Variants in PKHD1L1 observed in about 807,000 individuals in gnomAD.
The protein encoded by PKHD1L1 is PKHD1 like 1.
Under a neutral mutation model 462.9 loss-of-function variants are expected in PKHD1L1, and 434 were observed. That is an observed-to-expected ratio of 0.94 (90% CI 0.87 to 1.02). PKHD1L1 has a LOEUF of 1.02. Among genes scored for constraint, PKHD1L1 ranks in the 50% least tolerant of loss-of-function variants. PKHD1L1 has a pLI of 0.00. For missense variants in PKHD1L1, 5,202 were observed against 5,096.1 expected, an observed-to-expected ratio of 1.02 and a Z score of -0.63; for synonymous variants, 1,781 against 1,750.0, an observed-to-expected ratio of 1.02 and a Z score of -0.44.
intron 21 of PKHD1L1, among the ~76,000 whole-genome samples, chr8:109,418,640 A>G (rs558694002): frequency 6.6e-6 from 1 of 152,278 alleles, no homozygotes; most frequent in African/African-American, 2.4e-5. Context: ...AACAATGGAC[A>G]ATGCTGCTCC....
At position 109,479,974 on chromosome 8, in the gene PKHD1L1, A is replaced by G. The variant is rs1339246815; in HGVS notation, c.9179-17A>G. On this transcript the variant is annotated splice_polypyrimidine_tract_variant and intron_variant, in intron 54 of 77. Coordinates refer to ENST00000378402, the MANE Select transcript of PKHD1L1 (RefSeq NM_177531.6). ...GTTTATGGATTATGTTATATTTCTT[A>G]AAGTATTGTTTTATAGGAACATGGA... The G allele has an allele frequency of 1.3e-6, 2 of 1,540,028 alleles. No individual in the cohort carries two copies. Among genetic ancestry groups the G allele is most frequent in the Admixed American group, 2.4e-5 (1 of 41,606 alleles).
At position 109,530,924 on chromosome 8, in the gene PKHD1L1, A is replaced by T. The variant is rs1295058976; in HGVS notation, c.*834A>T. Among the ~76,000 whole-genome samples, 1 of 152,214 alleles carries T rather than the reference A, an allele frequency of 6.6e-6. No homozygotes were observed. The highest frequency in any genetic ancestry group is 1.9e-4 in the East Asian group (1 of 5,198). On this transcript the variant is annotated 3_prime_UTR_variant, in exon 78 of 78. Coordinates refer to ENST00000378402, the MANE Select transcript of PKHD1L1 (RefSeq NM_177531.6). ...TGTGGGAAGTCAACAACAGAACAGA[A>T]CTTATTTTCAAGAAGATAAATTAGA...
chr8:109,444,632 G>A (rs762117731), intron 37 of PKHD1L1, 29 bp from the exon 38 acceptor site: 26 of 1,583,286 alleles, frequency 1.6e-5, no homozygotes, highest in Non-Finnish European at 2.2e-5. Context: ...GTATTGACTT[G>A]TTTTATTTTG....
At chr8:109,389,767 A>T (rs1033451029) in intron 8 of PKHD1L1, among the ~76,000 whole-genome samples, 3 of 151,998 alleles carry the variant, frequency 2.0e-5, no homozygotes, top group African/African-American at 7.2e-5. Context: ...ACTTCGGGTG[A>T]TCCGCCCGCC....
chr8:109,493,629 T>A (rs544598632), intron 62 of PKHD1L1, 32 bp from the exon 63 acceptor site: 3 of 1,395,676 alleles, frequency 2.1e-6, no homozygotes, highest in Non-Finnish European at 3.0e-6. Context: ...ACTAGCCTGA[T>A]GCACAGTATT....
chr8:109,448,753 T>C (rs981465937), intron 39 of PKHD1L1, among the ~76,000 whole-genome samples: 13 of 152,158 alleles, frequency 8.5e-5, no homozygotes, highest in African/African-American at 3.1e-4. Flanking sequence ...CTTTGCTTTA[T>C]GTAGCAAATA....
Position 109,522,852 on chromosome 8 carries a change from T to A in PKHD1L1, c.12292T>A (p.Phe4098Ile), listed in dbSNP as rs749753530. 6.2e-7 allele frequency: 1 copy of A among 1,611,544 alleles called. No individual in the cohort carries two copies. The highest frequency in any genetic ancestry group is 8.5e-7 in the Non-Finnish European group (1 of 1,179,038). ...QPVAAQPGQP[F>I]PQQPSVKATD... The stretch of plus-strand genomic sequence containing the variant: ...GGTGGCAGCACAGCCAGGACAGCCA[T>A]TTCCTCAGCAGCCTTCGGTAAAGGC... The change falls in exon 75 of 78, where the codon TTT becomes ATT. Residue 4098 changes from phenylalanine (F) to isoleucine (I), a missense_variant. Around this residue, in one of 3 missense-constraint regions of PKHD1L1, gnomAD observed 698 missense variants for 736.3 expected, o/e 0.95. Transcript: ENST00000378402.
chr8:109,470,334 G>A, intron 50 of PKHD1L1: 2 of 1,517,572 alleles, frequency 1.3e-6, no homozygotes, highest in East Asian at 2.3e-5. Context: ...ACTTAGTTTG[G>A]AGAGAGAGTG....
At chr8:109,450,795 AC>A (rs757751517) in intron 40 of PKHD1L1, among the ~76,000 whole-genome samples, 179 bp from the exon 41 acceptor site, 59 of 152,290 alleles carry the variant, frequency 3.9e-4, no homozygotes, top group Non-Finnish European at 7.2e-4. Context: ...ATGGGCATGA[AC>A]TTTTGTAATG....
At chr8:109,520,741 A>G (rs1286040415) in intron 73 of PKHD1L1, among the ~76,000 whole-genome samples, 1 of 150,748 alleles carries the variant, frequency 6.6e-6, no homozygotes, top group African/African-American at 2.5e-5. Flanking sequence ...ATGTCCTAGA[A>G]AGGGGTTACC....
Position 109,445,506 on chromosome 8 carries a change from A to C in PKHD1L1, c.5637A>C (p.Glu1879Asp), listed in dbSNP as rs956538033. 4 of 1,613,762 alleles carry C rather than the reference A, an allele frequency of 2.5e-6. No individual in the cohort carries two copies. The highest frequency in any genetic ancestry group is 1.3e-5 in the African/African-American group (1 of 75,036). Residue 1879 changes from glutamate (E) to aspartate (D), a missense_variant, in exon 38 of 78, where the codon GAA becomes GAC. Physicochemically the swap from Glu to Asp is conservative, Grantham distance 45. Transcript: ENST00000378402. ...PCQIISINPNEVYCRTPAGTT... is the reference protein window; with the variant it reads ...PCQIISINPNDVYCRTPAGTT... ...AAATTATTTCCATCAACCCCAATGA[A>C]GTCTACTGCCGCACTCCCGCTGGGA...
intron 72 of PKHD1L1, among the ~76,000 whole-genome samples, chr8:109,516,176 T>G (rs1820260772): frequency 6.6e-6 from 1 of 152,142 alleles, no homozygotes; most frequent in Non-Finnish European, 1.5e-5. Context: ...TAGGCACAGA[T>G]GAGTAAATTG....
At chr8:109,455,214 T>C (rs1816751981) in intron 45 of PKHD1L1, among the ~76,000 whole-genome samples, 1 of 152,206 alleles carries the variant, frequency 6.6e-6, no homozygotes, top group Non-Finnish European at 1.5e-5. Flanking sequence ...GGTGCACACC[T>C]GTAAGCCCAG....
intron 47 of PKHD1L1, 23 bp from the exon 48 acceptor site, chr8:109,461,747 TGA>T: frequency 6.3e-7 from 1 of 1,586,826 alleles, no homozygotes; most frequent in Admixed American, 1.8e-5. Context: ...ATTTTTTTAA[TGA>T]TGCTTTAAAA....
intron 21 of PKHD1L1, among the ~76,000 whole-genome samples, chr8:109,416,509 A>T (rs944342482): frequency 6.6e-6 from 1 of 152,246 alleles, no homozygotes; most frequent in African/African-American, 2.4e-5. Flanking sequence ...AGAGAGATAT[A>T]TTAGTATTGA....
At position 109,535,611 on chromosome 8, in the gene PKHD1L1, A is replaced by G. The variant is rs1455952728; in HGVS notation, c.*5521A>G. ...AACAATTCAAAATTAAGAGTTTAAA[A>G]AGCAACAATCAAGACACATATCCTC... On this transcript the variant is annotated 3_prime_UTR_variant, in exon 78 of 78. Transcript: ENST00000378402. Among the ~76,000 whole-genome samples the G allele has an allele frequency of 6.6e-6, 1 of 152,250 alleles. No homozygotes were observed. Among genetic ancestry groups the G allele is most frequent in the Non-Finnish European group, 1.5e-5 (1 of 68,042 alleles).
rs1453333755 is a variant in PKHD1L1, at chr8:109,375,913, TG to T, written c.164-5452del. Among the ~76,000 whole-genome samples the T allele has an allele frequency of 3.3e-5, 5 of 152,290 alleles. No homozygotes were observed. The South Asian group carries it at 1.0e-3, about 32-fold the overall frequency. ...ATGTGAGGTGTCAGTCCGCCCCTAC[TG>T]GGGGATGCCTCCCAGTTAGGCTACT... On this transcript the variant is annotated intron_variant, in intron 2 of 77. Transcript: ENST00000378402.
intron 9 of PKHD1L1, among the ~76,000 whole-genome samples, chr8:109,392,952 TATCAATGA>T (rs1183279552): frequency 6.6e-6 from 1 of 152,162 alleles, no homozygotes; most frequent in African/African-American, 2.4e-5. Context: ...GCCTAGTCAT[TATCAATGA>T]ATTAGTGAAA....
chr8:109,377,905 A>G (rs978477905), intron 2 of PKHD1L1, among the ~76,000 whole-genome samples: 1 of 152,200 alleles, frequency 6.6e-6, no homozygotes, highest in Non-Finnish European at 1.5e-5. Context: ...TCTATATTTA[A>G]TTACTTCCAA....
Sources: allele counts gnomAD v4.1 joint callset (sites outside exome capture counted in the v4.1 genomes callset), GRCh38; gene constraint gnomAD v4.1.1; regional missense constraint gnomAD v4.1.1; transcripts MANE v1.5; gene names NCBI Gene and HGNC (gene_info 2026-07-23, HGNC 2026-07-21).